Variants in CSGALNACT1 observed in about 807,000 individuals in gnomAD.
CSGALNACT1 encodes the protein beta4GalNAcT-1.
Under a neutral mutation model 51.0 loss-of-function variants are expected in CSGALNACT1, and 52 were observed. The observed-to-expected ratio is 1.02, with a 90% CI of 0.82 to 1.29. CSGALNACT1 has a LOEUF of 1.29. CSGALNACT1 is among the 50% of genes most tolerant of loss of function. CSGALNACT1 has a pLI of 0.00. For synonymous variants in CSGALNACT1, 341 were observed against 254.4 expected (o/e 1.34, Z -3.24); for missense variants, 935 against 679.2 (o/e 1.38, Z -4.19).
At chr8:19,562,126 C>T (rs1218191077) in intron 3 of CSGALNACT1, among the ~76,000 whole-genome samples, 3 of 152,148 alleles carry the variant, frequency 2.0e-5, no homozygotes, top group African/African-American at 4.8e-5. Flanking sequence ...CACCATCCTG[C>T]CACCCCCACA....
intron 1 of CSGALNACT1, among the ~76,000 whole-genome samples, chr8:19,667,258 CAAAAAAAAA>C (rs928798627): frequency 2.0e-5 from 2 of 101,564 alleles, no homozygotes; most frequent in African/African-American, 6.8e-5. Context: ...CCATCTCTAC[CAAAAAAAAA>C]AAAAAAAAAA....
At chr8:19,620,434 T>C (rs2053670607) in intron 1 of CSGALNACT1, among the ~76,000 whole-genome samples, 1 of 151,784 alleles carries the variant, frequency 6.6e-6, no homozygotes, top group Non-Finnish European at 1.5e-5. Flanking sequence ...AAGAATCTTT[T>C]TTTTTTTTTC....
chr8:19,537,008 C>G (rs1308797575), intron 3 of CSGALNACT1, among the ~76,000 whole-genome samples: 2 of 152,144 alleles, frequency 1.3e-5, no homozygotes, highest in African/African-American at 4.8e-5. Context: ...AACCGACAAA[C>G]TGATCTCCTC....
chr8:19,669,298 T>G (rs1467117561), intron 1 of CSGALNACT1, among the ~76,000 whole-genome samples: 1 of 152,228 alleles, frequency 6.6e-6, no homozygotes, highest in East Asian at 1.9e-4. Flanking sequence ...GCAAACAACT[T>G]TCTCTTCAAT....
intron 4 of CSGALNACT1, among the ~76,000 whole-genome samples, chr8:19,500,949 T>C (rs1014689605): frequency 2.0e-5 from 3 of 152,024 alleles, no homozygotes; most frequent in Non-Finnish European, 4.4e-5. Flanking sequence ...CCTCCCAGGA[T>C]AAAAGGCATA....
intron 4 of CSGALNACT1, 50 bp from the exon 4 acceptor site, chr8:19,458,692 G>A: frequency 6.5e-7 from 1 of 1,541,160 alleles, no homozygotes; most frequent in South Asian, 1.2e-5. Context: ...AACCTTGGCT[G>A]CTGAGTGTTT....
intron 6 of CSGALNACT1, among the ~76,000 whole-genome samples, chr8:19,428,641 G>A (rs975801929): frequency 1.3e-5 from 2 of 152,110 alleles, no homozygotes; most frequent in Non-Finnish European, 2.9e-5. Flanking sequence ...AAGGACTGGC[G>A]AATAGTGGAT....
intron 5 of CSGALNACT1, among the ~76,000 whole-genome samples, chr8:19,450,282 GGGA>G (rs1176346404): frequency 2.8e-5 from 4 of 141,808 alleles, no homozygotes; most frequent in African/African-American, 7.9e-5. Context: ...GGGGAGGAGA[GGGA>G]GGAGGAGAAG....
At chr8:19,416,749 A>G (rs2056958534) in intron 8 of CSGALNACT1, among the ~76,000 whole-genome samples, 1 of 152,208 alleles carries the variant, frequency 6.6e-6, no homozygotes, top group Non-Finnish European at 1.5e-5. Context: ...GTAGTTGGCT[A>G]TGTTATGTAG....
intron 3 of CSGALNACT1, among the ~76,000 whole-genome samples, chr8:19,526,157 C>G (rs1287783882): frequency 6.6e-6 from 1 of 152,234 alleles, no homozygotes; most frequent in Admixed American, 6.5e-5. Flanking sequence ...CCACCTCTCT[C>G]ATGAAATCCA....
At chr8:19,669,346 C>A (rs903736415) in intron 1 of CSGALNACT1, among the ~76,000 whole-genome samples, 1 of 152,160 alleles carries the variant, frequency 6.6e-6, no homozygotes. Context: ...AATTTCATCC[C>A]GAGATGGAGG....
intron 2 of CSGALNACT1, among the ~76,000 whole-genome samples, chr8:19,596,958 T>C (rs567208012): frequency 6.6e-6 from 1 of 152,332 alleles, no homozygotes; most frequent in Non-Finnish European, 1.5e-5. Flanking sequence ...CTTTTTCATC[T>C]TGCATAACTG....
chr8:19,439,850 T>A, exon 6 of CSGALNACT1: 1 of 1,614,070 alleles, frequency 6.2e-7, no homozygotes. Flanking sequence ...TTTCAAGTAT[T>A]CCTTTGACTT....
chr8:19,468,351 G>C (rs546054003), intron 4 of CSGALNACT1, among the ~76,000 whole-genome samples: 1 of 152,326 alleles, frequency 6.6e-6, no homozygotes, highest in East Asian at 1.9e-4. Context: ...CACGAATGGG[G>C]GGATGGGAGA....
At chr8:19,692,773 G>C (rs2061396858) in intron 1 of CSGALNACT1, among the ~76,000 whole-genome samples, 1 of 152,128 alleles carries the variant, frequency 6.6e-6, no homozygotes, top group East Asian at 1.9e-4. Flanking sequence ...AGCTGCTGAG[G>C]CTTCACGTGG....
intron 1 of CSGALNACT1, among the ~76,000 whole-genome samples, chr8:19,748,640 T>C (rs2064837660): frequency 1.3e-5 from 2 of 152,138 alleles, no homozygotes; most frequent in South Asian, 4.2e-4. Context: ...AGCATGATTA[T>C]TCCATTTTAT....
At chr8:19,513,348 T>C (rs1030271157) in intron 3 of CSGALNACT1, among the ~76,000 whole-genome samples, 1 of 150,454 alleles carries the variant, frequency 6.6e-6, no homozygotes, top group Non-Finnish European at 1.5e-5. Flanking sequence ...ACTATAATGA[T>C]TGAAAGACCC....
chr8:19,638,465 C>G (rs1235030822), intron 1 of CSGALNACT1, among the ~76,000 whole-genome samples: 1 of 152,100 alleles, frequency 6.6e-6, no homozygotes, highest in African/African-American at 2.4e-5. Context: ...GTTAATTGTT[C>G]TAGTTATTTC....
chr8:19,643,574 G>T (rs759315290), intron 1 of CSGALNACT1, among the ~76,000 whole-genome samples: 8 of 151,910 alleles, frequency 5.3e-5, no homozygotes, highest in African/African-American at 7.3e-5. Context: ...GGACACAGAG[G>T]TTGCAGTAAG....
Sources: allele counts gnomAD v4.1 joint callset (sites outside exome capture counted in the v4.1 genomes callset), GRCh38; gene constraint gnomAD v4.1.1; transcripts MANE v1.5; gene names NCBI Gene and HGNC (gene_info 2026-07-23, HGNC 2026-07-21).